Variants in TTC27 observed in about 807,000 individuals in gnomAD.
TTC27 encodes tetratricopeptide repeat protein 27.
In TTC27, 79 loss-of-function variants were observed where a neutral mutation model predicts 115.9. The ratio of observed to expected loss-of-function variants is 0.68; its 90% CI spans 0.57 to 0.82. The LOEUF (loss-of-function observed/expected upper bound fraction) is 0.82. Ranked by LOEUF, TTC27 falls within the 40% of genes least tolerant of loss-of-function variation. The probability of loss-of-function intolerance (pLI) is 0.00; values close to 1 mark genes in which losing one functional copy is unlikely to be tolerated. For missense variants in TTC27, 1,054 were observed against 993.1 expected (o/e 1.06, Z -0.82); for synonymous variants, 401 against 356.0 (o/e 1.13, Z -1.42).
At chr2:32,701,605 A>C (rs987165180) in intron 9 of TTC27, among the ~76,000 whole-genome samples, 1 of 152,180 alleles carries the variant, frequency 6.6e-6, no homozygotes, top group African/African-American at 2.4e-5. Context: ...AAGTGCCTAT[A>C]GGAGTCAGGC....
At chr2:32,759,055 G>A (rs184312408) in intron 13 of TTC27, among the ~76,000 whole-genome samples, 4 of 152,260 alleles carry the variant, frequency 2.6e-5, no homozygotes, top group African/African-American at 7.2e-5. Context: ...TTTAAACTAA[G>A]TGACATGATA....
chr2:32,746,506 T>G (rs1668832076), intron 12 of TTC27, among the ~76,000 whole-genome samples: 1 of 128,166 alleles, frequency 7.8e-6, no homozygotes, highest in Non-Finnish European at 1.5e-5. Flanking sequence ...GAGGTTGCAG[T>G]GAGCTGAGAT....
chr2:32,817,129 G>A (rs1022804236), intron 18 of TTC27, among the ~76,000 whole-genome samples: 29 of 152,052 alleles, frequency 1.9e-4, no homozygotes, highest in African/African-American at 6.0e-4. Context: ...AGGTGCAATG[G>A]CTGACACCTG....
At chr2:32,640,892 G>T (rs1239683005) in intron 4 of TTC27, among the ~76,000 whole-genome samples, 1 of 152,128 alleles carries the variant, frequency 6.6e-6, no homozygotes, top group African/African-American at 2.4e-5. Context: ...TGAGGCAGGA[G>T]AATTGCTTGA....
chr2:32,790,380 G>C, intron 16 of TTC27, among the ~76,000 whole-genome samples: 1 of 151,754 alleles, frequency 6.6e-6, no homozygotes, highest in Non-Finnish European at 1.5e-5. Context: ...TGAAGAATGA[G>C]TAGATATACT....
chr2:32,768,638 G>A (rs1176501662), intron 13 of TTC27, among the ~76,000 whole-genome samples: 4 of 152,182 alleles, frequency 2.6e-5, no homozygotes, highest in African/African-American at 9.7e-5. Context: ...GCCTATTGTG[G>A]TTTTGAATTA....
At chr2:32,642,928 C>G (rs1030968969) in intron 4 of TTC27, among the ~76,000 whole-genome samples, 1 of 151,968 alleles carries the variant, frequency 6.6e-6, no homozygotes, top group Non-Finnish European at 1.5e-5. Context: ...TCCATCTCCC[C>G]TAAGTGCCGA....
At chr2:32,655,122 G>A (rs568672773) in intron 5 of TTC27, among the ~76,000 whole-genome samples, 1 of 151,634 alleles carries the variant, frequency 6.6e-6, no homozygotes, top group Admixed American at 6.6e-5. Context: ...TCAAGCAGCT[G>A]GGACTATGGG....
chr2:32,750,348 G>T (rs966300163), intron 12 of TTC27, among the ~76,000 whole-genome samples: 1 of 152,198 alleles, frequency 6.6e-6, no homozygotes, highest in Non-Finnish European at 1.5e-5. Flanking sequence ...GATCTGCAGA[G>T]CATCTCCACA....
chr2:32,667,924 C>T (rs1430563311), intron 7 of TTC27, among the ~76,000 whole-genome samples: 2 of 151,460 alleles, frequency 1.3e-5, no homozygotes, highest in African/African-American at 2.4e-5. Context: ...TGCAGTGGCT[C>T]ACGCCTGTAA....
At position 32,793,245 on chromosome 2, in the gene TTC27, T is replaced by C. The variant is rs142191384; in HGVS notation, c.1998+6096T>C. On this transcript the variant is annotated intron_variant, in intron 16 of 19. Transcript: ENST00000317907. ...GAGGCCAGCAGGCAGTGGACTGATA[T>C]ATTCAAAGTGCTAAAAGAAAAAAAC... Among the ~76,000 whole-genome samples the C allele has an allele frequency of 1.5e-4, 23 of 152,300 alleles. No homozygotes were observed. The East Asian group carries it at 4.1e-3, about 27-fold the overall frequency.
intron 5 of TTC27, among the ~76,000 whole-genome samples, chr2:32,651,187 G>A (rs1476518778): frequency 6.6e-6 from 1 of 152,212 alleles, no homozygotes; most frequent in Non-Finnish European, 1.5e-5. Context: ...ATATGTATGT[G>A]TGTGTCCAAG....
intron 13 of TTC27, among the ~76,000 whole-genome samples, chr2:32,775,427 T>G (rs1353696434): frequency 6.6e-6 from 1 of 152,198 alleles, no homozygotes; most frequent in Non-Finnish European, 1.5e-5. Context: ...CTCGATCTCC[T>G]GACCTCGTGA....
chr2:32,763,355 T>C (rs1417978621), intron 13 of TTC27, among the ~76,000 whole-genome samples: 1 of 152,132 alleles, frequency 6.6e-6, no homozygotes, highest in East Asian at 1.9e-4. Context: ...AAAGGGAAAA[T>C]AGAAACATGG....
chr2:32,721,936 T>A (rs1667946014), intron 10 of TTC27, among the ~76,000 whole-genome samples: 1 of 152,190 alleles, frequency 6.6e-6, no homozygotes, highest in Non-Finnish European at 1.5e-5. Context: ...CTTTCCTTAT[T>A]GGTAGGGTGG....
At chr2:32,813,660 T>A (rs1318884450) in intron 18 of TTC27, among the ~76,000 whole-genome samples, 1 of 151,976 alleles carries the variant, frequency 6.6e-6, no homozygotes, top group African/African-American at 2.4e-5. Flanking sequence ...GACTCAAAAC[T>A]AAAAAAACAA....
chr2:32,697,949 C>T (rs752044848), intron 9 of TTC27, among the ~76,000 whole-genome samples: 140 of 151,986 alleles, frequency 9.2e-4, no homozygotes, highest in Non-Finnish European at 1.7e-3. Flanking sequence ...GATGGGGTTT[C>T]ACTGTGTTGG....
At chr2:32,680,001 A>AAACAC (rs1666363034) in intron 9 of TTC27, among the ~76,000 whole-genome samples, 1 of 152,164 alleles carries the variant, frequency 6.6e-6, no homozygotes, top group Admixed American at 6.5e-5. Context: ...AAACAAAACA[A>AAACAC]AACACAACAA....
At chr2:32,729,183 T>C (rs536254756) in intron 10 of TTC27, among the ~76,000 whole-genome samples, 6 of 152,232 alleles carry the variant, frequency 3.9e-5, no homozygotes, top group Non-Finnish European at 8.8e-5. Context: ...GGGTAGGTCC[T>C]TTGGGACTAT....
Sources: allele counts gnomAD v4.1 joint callset (sites outside exome capture counted in the v4.1 genomes callset), GRCh38; gene constraint gnomAD v4.1.1; transcripts MANE v1.5; gene names NCBI Gene and HGNC (gene_info 2026-07-23, HGNC 2026-07-21).